The following SLX4 variants were observed in gnomAD, a reference collection of about 807,000 sequenced individuals.
The protein encoded by SLX4 is structure-specific endonuclease subunit SLX4.
A neutral mutation model predicts 146.2 loss-of-function variants in SLX4; 112 were observed. The observed-to-expected ratio is 0.77, with a 90% CI of 0.66 to 0.90. The LOEUF is 0.90. Among genes scored for constraint, SLX4 ranks in the 40% least tolerant of loss-of-function variants. The pLI, the probability that SLX4 is intolerant of heterozygous loss-of-function variation, is 0.00. For synonymous variants in SLX4, 1,061 were observed against 997.7 expected (o/e 1.06, Z -1.20); for missense variants, 2,563 against 2,392.7 (o/e 1.07, Z -1.49).
In SLX4 at chr16:3,589,851, C is replaced by T. The variant is rs1306752926; in HGVS notation, c.3787G>A (p.Ala1263Thr). ...GAAGAACAGTCACGGCTTCTGCTGG[C>T]CAGCGGGGTGGCGGGCACCAGCCAC... is the stretch of plus-strand genomic sequence containing the variant. ...TSWLVPATPLASRSRDCSSQT... is the reference protein window; with the variant it reads ...TSWLVPATPLTSRSRDCSSQT... The change falls in exon 12 of 15, where the codon GCC becomes ACC. Residue 1263 changes from alanine (A) to threonine (T), a missense_variant. Ala to Thr is a moderately conservative substitution (Grantham distance 58, BLOSUM62 0). Coordinates refer to ENST00000294008, the MANE Select transcript of SLX4 (RefSeq NM_032444.4). This position sits in a 1 kb window ranked among gnomAD's most constrained non-coding sequence, Gnocchi z 6.2. 13 of 1,613,350 alleles carry T rather than the reference C, an allele frequency of 8.1e-6. No homozygotes were observed. Among genetic ancestry groups the T allele is most frequent in the African/African-American group, 1.3e-5 (1 of 74,932 alleles).
chr16:3,587,577 C>T (rs1040776962), intron 12 of SLX4, among the ~76,000 whole-genome samples: 1 of 152,190 alleles, frequency 6.6e-6, no homozygotes, highest in Non-Finnish European at 1.5e-5. Context: ...GAGAAAAGCA[C>T]GATTCTTCCT....
chr16:3,598,156 C>T (rs1234373453), intron 5 of SLX4, among the ~76,000 whole-genome samples, 157 bp from the exon 6 acceptor site: 1 of 152,208 alleles, frequency 6.6e-6, no homozygotes, highest in Admixed American at 6.5e-5. Flanking sequence ...CTTGTGTGAA[C>T]TCATTCAATT....
At chr16:3,596,594 G>C (rs776046924) in intron 7 of SLX4, among the ~76,000 whole-genome samples, 20 of 152,238 alleles carry the variant, frequency 1.3e-4, no homozygotes, top group Non-Finnish European at 2.2e-4. Context: ...ATGTCAACAT[G>C]CTCCTCCTCT....
chr16:3,595,923 G>A (rs1567173057), intron 8 of SLX4, among the ~76,000 whole-genome samples: 1 of 152,254 alleles, frequency 6.6e-6, no homozygotes, highest in Non-Finnish European at 1.5e-5. Flanking sequence ...TTCACTCGCT[G>A]TGGGCAGACA....
At chr16:3,606,417 T>C in intron 3 of SLX4, 57 bp downstream of exon 3, 1 of 1,578,312 alleles carries the variant, frequency 6.3e-7, no homozygotes, top group South Asian at 1.1e-5. Flanking sequence ...CCGCCTCCCT[T>C]CCTCAGAGTT....
Position 3,582,518 on chromosome 16 carries a change from C to T in SLX4, c.5329G>A (p.Glu1777Lys). ...YQKVLLYQPF[E>K]LRELQAELRQ... ...AGCTCTGCCTGCAGCTCCCGCAGCT[C>T]AAAGGGCTGGTACAGCAGCACCTTC... The change falls in exon 15 of 15, where the codon GAG becomes AAG. Residue 1777 changes from glutamate (E) to lysine (K), a missense_variant. Glu to Lys is a moderately conservative substitution (Grantham distance 56, BLOSUM62 1). Coordinates refer to ENST00000294008, the MANE Select transcript of SLX4 (RefSeq NM_032444.4). 1 of 1,614,032 alleles carries T rather than the reference C, an allele frequency of 6.2e-7. No individual in the cohort carries two copies.
In SLX4 at chr16:3,597,317, C is replaced by T; in HGVS notation, c.1683+62G>A. Reference sequence around the variant, plus strand: ...ACCTGGCTGTGGGTACCCAGTGTTGCAGTTCTGGGATTGCCAACCTCCCCC... The same window carrying T: ...ACCTGGCTGTGGGTACCCAGTGTTGTAGTTCTGGGATTGCCAACCTCCCCC... On this transcript the variant is annotated intron_variant, in intron 7 of 14. Transcript: ENST00000294008. This position sits in a 1 kb window ranked among gnomAD's most constrained non-coding sequence, Gnocchi z 4.4. 7.6e-6 allele frequency: 11 copies of T among 1,455,608 alleles called. No individual in the cohort carries two copies. Among genetic ancestry groups the T allele is most frequent in the Non-Finnish European group, 1.0e-5 (11 of 1,096,894 alleles). 90.2% of individuals were successfully genotyped at this position (1,455,608 alleles called of 1,614,324 possible).
intron 3 of SLX4, among the ~76,000 whole-genome samples, chr16:3,605,520 G>C (rs755244146): frequency 6.6e-6 from 1 of 152,132 alleles, no homozygotes. Flanking sequence ...ATCATGCCTG[G>C]CTTCATTGTA....
Position 3,582,920 on chromosome 16 carries a change from G to A in SLX4, c.5153+177C>T, listed in dbSNP as rs2040457604. ...GTGGGGCAGGAACCAGGAGGCCTGC[G>A]CAGGGCTGGGGTCAGGGAACCAGCC... On this transcript the variant is annotated intron_variant, in intron 14 of 14. Coordinates refer to ENST00000294008, the MANE Select transcript of SLX4 (RefSeq NM_032444.4). Among the ~76,000 whole-genome samples the A allele has an allele frequency of 3.3e-5, 5 of 152,336 alleles. No homozygotes were observed. The South Asian group carries it at 8.3e-4, about 25-fold the overall frequency.
At chr16:3,604,253 C>T (rs955939261) in intron 3 of SLX4, among the ~76,000 whole-genome samples, 3 of 141,856 alleles carry the variant, frequency 2.1e-5, no homozygotes, top group African/African-American at 7.8e-5. Flanking sequence ...TCATGGAAAA[C>T]AAAAGGAAAT....
In SLX4 at chr16:3,597,862, G is replaced by A. The variant is rs763337738; in HGVS notation, c.1301C>T (p.Pro434Leu). ...AMALSRSEME[P>L]GAAVPALRLE... ...CCTGAGCGCTGGTACAGCCGCACCCGGCTCCATCTCCGACCGGGACAGAGC... is the reference window on the plus strand; with the variant it reads ...CCTGAGCGCTGGTACAGCCGCACCCAGCTCCATCTCCGACCGGGACAGAGC... The change falls in exon 6 of 15, where the codon CCG (proline) becomes CTG (leucine). Residue 434 changes from proline to leucine, a missense_variant. Coordinates refer to ENST00000294008, the MANE Select transcript of SLX4 (RefSeq NM_032444.4). The surrounding 1 kb of genome is among the most constrained non-coding windows in gnomAD (Gnocchi z 4.4). 24 of 1,613,988 alleles carry A rather than the reference G, an allele frequency of 1.5e-5. No homozygotes were observed. Among genetic ancestry groups the A allele is most frequent in the Admixed American group, 6.7e-5 (4 of 60,006 alleles).
rs371875095 is a variant in SLX4, at chr16:3,582,476, G to C, written c.5371C>G (p.Arg1791Gly). Residue 1791 changes from arginine (R) to glycine (G), a missense_variant, in exon 15 of 15, where the codon CGT becomes GGT. Physicochemically the swap from Arg to Gly is moderately radical, Grantham distance 125. Coordinates refer to ENST00000294008, the MANE Select transcript of SLX4 (RefSeq NM_032444.4). The part of the protein sequence containing the change: ...LQAELRQNGL[R>G]VSSRRLLDFL... The stretch of plus-strand genomic sequence containing the variant: ...TCCAACAGCCTGCGCGAGGACACAC[G>C]GAGGCCGTTCTGCCTCAGCTCTGCC... 6.2e-7 allele frequency: 1 copy of C among 1,614,016 alleles called. No homozygotes were observed. The highest frequency in any genetic ancestry group is 8.5e-7 in the Non-Finnish European group (1 of 1,180,044).
In SLX4 at chr16:3,602,255, G is replaced by A. The variant is rs765351938; in HGVS notation, c.813C>T (p.Thr271=). The change falls in exon 4 of 15, where the codon ACC becomes ACT. Residue 271 remains threonine, a synonymous_variant. Transcript: ENST00000294008. ...APESDAAVAL[T]LQQEFARVGA... is the part of the protein sequence containing the mutation. ...CTACCCGTGCAAACTCCTGCTGCAG[G>A]GTCAAGGCCACCGCAGCGTCGCTCT... The A allele has an allele frequency of 7.4e-6, 12 of 1,614,042 alleles. No homozygotes were observed. In the Admixed American group the frequency reaches 1.5e-4, roughly 20 times the overall value.
intron 12 of SLX4, among the ~76,000 whole-genome samples, chr16:3,588,322 G>A (rs1022429119): frequency 6.6e-6 from 1 of 152,210 alleles, no homozygotes; most frequent in Non-Finnish European, 1.5e-5. Flanking sequence ...CATGAGTGCA[G>A]ACAGTACATG....
chr16:3,595,778 C>T, intron 8 of SLX4, 85 bp from the exon 9 acceptor site: 3 of 1,501,814 alleles, frequency 2.0e-6, no homozygotes, highest in Non-Finnish European at 2.8e-6. Flanking sequence ...ACAGGCTGAG[C>T]CAGCCCCTGC....
rs2040609912 is a variant in SLX4 at position 3,592,882 on chromosome 16, A to G, written c.2161-17T>C. On this transcript the variant is annotated splice_polypyrimidine_tract_variant and intron_variant, in intron 10 of 14. Transcript: ENST00000294008. The stretch of plus-strand genomic sequence containing the variant: ...ATTGTTCACCTGCAGGTGAAATGCA[A>G]CACAGAGGGTTTACTGATCAGAGAG... The G allele has an allele frequency of 1.9e-6, 3 of 1,605,954 alleles. No homozygotes were observed. Among genetic ancestry groups the G allele is most frequent in the African/African-American group, 1.3e-5 (1 of 74,844 alleles).
In SLX4 at chr16:3,606,546, C is replaced by T; in HGVS notation, c.688G>A (p.Glu230Lys). 3 of 1,614,242 alleles carry T rather than the reference C, an allele frequency of 1.9e-6. No individual in the cohort carries two copies. Among genetic ancestry groups the T allele is most frequent in the South Asian group, 2.2e-5 (2 of 91,086 alleles). Residue 230 changes from glutamate (E) to lysine (K), a missense_variant, in exon 3 of 15, where the codon GAG becomes AAG. Transcript: ENST00000294008. ...DPERLRHASE[E>K]CSLEAAREEN... Reference sequence around the variant, plus strand: ...TCCCGCGCAGCCTCGAGGGAGCACTCTTCTGAAGCGTGTCTCAAACGCTCG... The same window carrying T: ...TCCCGCGCAGCCTCGAGGGAGCACTTTTCTGAAGCGTGTCTCAAACGCTCG...
In SLX4 at chr16:3,608,821, A is replaced by G; in HGVS notation, c.144T>C (p.Asp48=). ...LKTGQMMDES[D]EDFKELCASF... ...TAGCGCAGAGTTCTTTAAAGTCCTC[A>G]TCAGACTCATCCATCATCTGACCAG... The change falls in exon 2 of 15, where the codon GAT becomes GAC. Residue 48 remains aspartate, a synonymous_variant. Transcript: ENST00000294008. 1 of 1,614,110 alleles carries G rather than the reference A, an allele frequency of 6.2e-7. No homozygotes were observed. Among genetic ancestry groups the G allele is most frequent in the South Asian group, 1.1e-5 (1 of 91,080 alleles).
At chr16:3,609,925 C>T (rs1012115793) in intron 1 of SLX4, among the ~76,000 whole-genome samples, 1 of 152,226 alleles carries the variant, frequency 6.6e-6, no homozygotes, top group African/African-American at 2.4e-5. Context: ...AGACCCCTGG[C>T]TGTTAAAGAG....
Sources: allele counts gnomAD v4.1 joint callset (sites outside exome capture counted in the v4.1 genomes callset), GRCh38; gene constraint gnomAD v4.1.1; non-coding constraint Gnocchi (gnomAD v3.1); transcripts MANE v1.5; gene names NCBI Gene and HGNC (gene_info 2026-07-23, HGNC 2026-07-21).